Variants in HK1 observed in about 807,000 individuals in gnomAD.
The protein encoded by HK1 is hexokinase 1.
A neutral mutation model predicts 91.6 loss-of-function variants in HK1; 28 were observed. The observed-to-expected ratio is 0.31, with a 90% CI of 0.23 to 0.42. HK1 has a LOEUF of 0.42. Ranked by LOEUF, HK1 falls within the 10% of genes least tolerant of loss-of-function variation. The pLI, the probability that HK1 is intolerant of heterozygous loss-of-function variation, is 1.00. For synonymous variants in HK1, 430 were observed against 468.1 expected (o/e 0.92, Z 1.05); for missense variants, 770 against 1,219.8 (o/e 0.63, Z 5.49).
chr10:69,340,497 G>A (rs1031008393), intron 1 of HK1, among the ~76,000 whole-genome samples: 2 of 152,248 alleles, frequency 1.3e-5, no homozygotes, highest in South Asian at 2.1e-4. Flanking sequence ...TAATCCACTC[G>A]CCTCGGCCTC....
At position 69,386,207 on chromosome 10, in the gene HK1, G is replaced by A. The variant is rs1839622148; in HGVS notation, c.1840-116G>A. ...GTTTGTCCTCAGATGTTTGAACTCCGTCTCCGATGTTGTAAGCCCTCAGCA... is the reference window on the plus strand; with the variant it reads ...GTTTGTCCTCAGATGTTTGAACTCCATCTCCGATGTTGTAAGCCCTCAGCA... On this transcript the variant is annotated intron_variant, in intron 12 of 17. Transcript: ENST00000359426. The A allele has an allele frequency of 6.5e-6, 5 of 774,670 alleles. 1 individual carries two copies. The highest frequency in any genetic ancestry group is 2.3e-4 in the Middle Eastern group (1 of 4,394). The allele number at this position is 774,670 out of a possible 1,614,324, so 48.0% of individuals were successfully genotyped here. A position where few individuals can be genotyped will look rare whatever the true frequency, so the allele number is the denominator to read the frequency against.
chr10:69,327,747 A>G (rs1263368238), intron 1 of HK1, among the ~76,000 whole-genome samples: 2 of 152,128 alleles, frequency 1.3e-5, no homozygotes, highest in Admixed American at 1.3e-4. Context: ...AACCTTTGCA[A>G]ATTTGTAATA....
At chr10:69,318,373 G>A (rs1846772342), upstream of HK1, 1 of 307,748 alleles carries the variant, frequency 3.2e-6, no homozygotes, top group Non-Finnish European at 4.7e-6. Context: ...GCGTCCACCG[G>A]ACTCCTAGGG....
At chr10:69,388,564 A>G (rs1839754759) in intron 13 of HK1, among the ~76,000 whole-genome samples, 1 of 152,232 alleles carries the variant, frequency 6.6e-6, no homozygotes, top group East Asian at 1.9e-4. Flanking sequence ...TCACTTAAAA[A>G]TAGGAATTAT....
upstream of HK1, among the ~76,000 whole-genome samples, chr10:69,316,286 G>A (rs979431706): frequency 1.3e-5 from 2 of 152,202 alleles, no homozygotes; most frequent in Non-Finnish European, 1.5e-5. Flanking sequence ...AGGAAGGAGA[G>A]GGCCATGAAG....
intron 15 of HK1, among the ~76,000 whole-genome samples, chr10:69,393,186 G>A (rs1839981789): frequency 6.6e-6 from 1 of 152,008 alleles, no homozygotes; most frequent in African/African-American, 2.4e-5. Flanking sequence ...TCTCCATGTT[G>A]GTCAGGCTGG....
chr10:69,363,592 T>C (rs1387624112), intron 3 of HK1, among the ~76,000 whole-genome samples: 2 of 152,194 alleles, frequency 1.3e-5, no homozygotes, highest in Non-Finnish European at 2.9e-5. Context: ...TTGCCCAGGC[T>C]GGTGTCAAAC....
chr10:69,344,767 C>T (rs149401919), intron 2 of HK1, among the ~76,000 whole-genome samples: 85 of 152,254 alleles, frequency 5.6e-4, no homozygotes, highest in East Asian at 1.7e-3. Context: ...CCGGCAGACC[C>T]GCAGTTACTA....
At chr10:69,343,401 G>A (rs777939186) in intron 1 of HK1, among the ~76,000 whole-genome samples, 38 of 152,300 alleles carry the variant, frequency 2.5e-4, no homozygotes, top group Non-Finnish European at 4.9e-4. Context: ...TCTGGGGCTA[G>A]GATTGAACCC....
upstream of HK1, chr10:69,318,109 A>G (rs1408727888): frequency 1.0e-6 from 1 of 985,280 alleles, no homozygotes; most frequent in East Asian, 1.1e-4. Context: ...AGGGAGAGCC[A>G]CCGGAGCTGG....
rs745474818 is a variant in HK1, at chr10:69,389,280, G to A, written c.2019G>A (p.Glu673=). ...GTGCTTATGAGGAGCCCACCTGTGA[G>A]GTTGGACTCATTGTTGGTGAGTGTC... ...MTCAYEEPTC[E]VGLIVGTGSN... The change falls in exon 14 of 18, where the codon GAG becomes GAA. Residue 673 remains glutamate (E), a synonymous_variant. Transcript: ENST00000359426. The A allele has an allele frequency of 3.7e-6, 6 of 1,610,508 alleles. No individual in the cohort carries two copies. The East Asian group carries it at 8.9e-5, about 24-fold the overall frequency.
intron 1 of HK1, among the ~76,000 whole-genome samples, chr10:69,322,890 C>CA (rs36022169): frequency 0.16 from 17,918 of 114,264 alleles, 1,299 homozygotes; most frequent in Admixed American, 0.28. Context: ...AACTCCGTCT[C>CA]AAAAAAAAAA....
intron 1 of HK1, among the ~76,000 whole-genome samples, chr10:69,272,192 A>T (rs572954499): frequency 6.6e-6 from 1 of 152,360 alleles, no homozygotes; most frequent in South Asian, 2.1e-4. Context: ...CACTGGAGAC[A>T]AAGTCACAGA....
intron 2 of HK1, among the ~76,000 whole-genome samples, chr10:69,346,091 C>CGTGTTGTGCT (rs1210745922): frequency 6.6e-6 from 1 of 152,126 alleles, no homozygotes; most frequent in Non-Finnish European, 1.5e-5. Flanking sequence ...CGTGTTGTGC[C>CGTGTTGTGCT]GGGCTTCTGT....
intron 5 of HK1, among the ~76,000 whole-genome samples, chr10:69,303,501 T>C (rs1589454742): frequency 6.6e-6 from 1 of 152,268 alleles, no homozygotes; most frequent in South Asian, 2.1e-4. Flanking sequence ...ACTATTTCTC[T>C]ATTGCAATTA....
rs200969884 is a variant in HK1 at position 69,369,650 on chromosome 10, C to A, written c.875+26C>A. The A allele has an allele frequency of 1.2e-6, 2 of 1,602,028 alleles. No individual in the cohort carries two copies. Among genetic ancestry groups the A allele is most frequent in the East Asian group, 4.5e-5 (2 of 44,752 alleles). On this transcript the variant is annotated intron_variant, in intron 7 of 17. Coordinates refer to ENST00000359426, the MANE Select transcript of HK1 (RefSeq NM_000188.3). This position sits in a 1 kb window ranked among gnomAD's most constrained non-coding sequence, Gnocchi z 4.4. ...GTGAGTCCTTGACTTTTGCTTCTAA[C>A]CACATATGTGAGTTAGGGGACATTT...
intron 1 of HK1, among the ~76,000 whole-genome samples, chr10:69,272,724 T>G (rs1844229805): frequency 6.6e-6 from 1 of 151,982 alleles, no homozygotes; most frequent in South Asian, 2.1e-4. Context: ...AACAGTCATT[T>G]AACTATAATG....
At chr10:69,325,656 GC>G (rs1847315401) in intron 1 of HK1, among the ~76,000 whole-genome samples, 2 of 148,080 alleles carry the variant, frequency 1.4e-5, no homozygotes, top group Admixed American at 6.8e-5. Flanking sequence ...GCCCCCCCCT[GC>G]CCCCCAGTAG....
chr10:69,319,213 G>A (rs894370902), intron 1 of HK1: 10 of 666,056 alleles, frequency 1.5e-5, no homozygotes, highest in African/African-American at 1.5e-4. Flanking sequence ...TTTGGGAGGG[G>A]GGCAATCGGG....
Sources: gnomAD v4.1 joint callset for allele counts (sites outside exome capture counted in the v4.1 genomes callset) on GRCh38, gnomAD v4.1.1 for gene constraint, Gnocchi (gnomAD v3.1) non-coding constraint, MANE v1.5 for transcripts, NCBI Gene and HGNC (gene_info 2026-07-23, HGNC 2026-07-21) for gene names.